Variants in SSH2 observed in about 807,000 individuals in gnomAD.
SSH2 encodes the protein protein phosphatase Slingshot homolog 2.
In SSH2, 37 loss-of-function variants were observed where a neutral mutation model predicts 135.2. The observed-to-expected ratio is 0.27, with a 90% CI of 0.21 to 0.36. The LOEUF (loss-of-function observed/expected upper bound fraction) is 0.36. Ranked by LOEUF, SSH2 falls within the 10% of genes least tolerant of loss-of-function variation. SSH2 has a pLI of 1.00. For missense variants in SSH2, 1,408 were observed against 1,765.3 expected, an observed-to-expected ratio of 0.80 and a Z score of 3.63; for synonymous variants, 628 against 646.2, an observed-to-expected ratio of 0.97 and a Z score of 0.43.
chr17:29,676,520 A>T (rs1282396470), intron 8 of SSH2: 1 of 281,334 alleles, frequency 3.6e-6, no homozygotes, highest in African/African-American at 2.2e-5. Flanking sequence ...TAACTAACTT[A>T]GTCAATATGT....
chr17:29,676,841 G>A lies in SSH2; in HGVS notation c.593C>T (p.Pro198Leu). ...STDNRVHIFK[P>L]VSVQAMWSAL... Reference sequence around the variant, plus strand: ...TTACCACATTGCCTGCACAGATACAGGTTTGAATATGTGAACTCTGTTATC... The same window carrying A: ...TTACCACATTGCCTGCACAGATACAAGTTTGAATATGTGAACTCTGTTATC... The change falls in exon 8 of 16, where the codon CCT becomes CTT. Residue 198 changes from proline to leucine, a missense_variant. By Grantham distance (98) the Pro-to-Leu change is moderately conservative (BLOSUM62 -3). Transcript: ENST00000540801. 5 of 1,613,822 alleles carry A rather than the reference G, an allele frequency of 3.1e-6. No homozygotes were observed. Among genetic ancestry groups the A allele is most frequent in the Non-Finnish European group, 4.2e-6 (5 of 1,179,820 alleles).
intron 4 of SSH2, among the ~76,000 whole-genome samples, chr17:29,697,892 A>T (rs926288116): frequency 6.6e-6 from 1 of 152,254 alleles, no homozygotes. Flanking sequence ...TTGTACACAC[A>T]TCTATAATAC....
intron 3 of SSH2, among the ~76,000 whole-genome samples, chr17:29,757,654 G>A (rs576455454): frequency 6.6e-6 from 1 of 151,210 alleles, no homozygotes; most frequent in Non-Finnish European, 1.5e-5. Flanking sequence ...ACTTTGGGAG[G>A]CCAAGGCAGG....
intron 1 of SSH2, among the ~76,000 whole-genome samples, chr17:29,878,285 GGC>G (rs2066072437): frequency 6.6e-6 from 1 of 152,070 alleles, no homozygotes; most frequent in African/African-American, 2.4e-5. Context: ...AAATTAGCCA[GGC>G]GTGGTGGTGC....
At chr17:29,900,563 T>C (rs1741297594) in intron 1 of SSH2, among the ~76,000 whole-genome samples, 1 of 152,056 alleles carries the variant, frequency 6.6e-6, no homozygotes, top group Non-Finnish European at 1.5e-5. Flanking sequence ...GAAATGCAAA[T>C]CAAAACCACA....
intron 1 of SSH2, among the ~76,000 whole-genome samples, chr17:29,893,169 C>G (rs934946492): frequency 2.6e-5 from 4 of 151,966 alleles, no homozygotes; most frequent in African/African-American, 9.7e-5. Flanking sequence ...TACATCTGAC[C>G]CAACAGTGCA....
chr17:29,834,325 C>G (rs991578655), intron 2 of SSH2, among the ~76,000 whole-genome samples: 2 of 152,026 alleles, frequency 1.3e-5, no homozygotes, highest in African/African-American at 4.8e-5. Context: ...TGGCAGGTAA[C>G]AAAGAAATGA....
At chr17:29,736,826 A>G (rs1435840183) in intron 3 of SSH2, among the ~76,000 whole-genome samples, 2 of 115,748 alleles carry the variant, frequency 1.7e-5, no homozygotes, top group Admixed American at 9.6e-5. Context: ...TGGGCCGGGC[A>G]TGGTGGCTCA....
intron 1 of SSH2, among the ~76,000 whole-genome samples, chr17:29,899,080 C>A (rs2066498271): frequency 6.6e-6 from 1 of 151,994 alleles, no homozygotes; most frequent in Admixed American, 6.6e-5. Flanking sequence ...AATTCAACAA[C>A]CTTCATGCTA....
intron 3 of SSH2, among the ~76,000 whole-genome samples, chr17:29,726,636 A>T (rs1442427772): frequency 1.3e-5 from 2 of 152,140 alleles, no homozygotes; most frequent in Non-Finnish European, 2.9e-5. Context: ...TACAATGGTA[A>T]ATTTACTCCA....
intron 4 of SSH2, among the ~76,000 whole-genome samples, chr17:29,701,144 T>C (rs1023902224): frequency 6.6e-6 from 1 of 152,064 alleles, no homozygotes; most frequent in African/African-American, 2.4e-5. Flanking sequence ...CTAATTTTTT[T>C]AAATTTTTAG....
chr17:29,707,411 A>G (rs1182534815), intron 3 of SSH2, among the ~76,000 whole-genome samples: 2 of 152,226 alleles, frequency 1.3e-5, no homozygotes, highest in Admixed American at 1.3e-4. Flanking sequence ...AAACTCACAT[A>G]TAGTATAAAT....
chr17:29,890,819 G>A lies in SSH2; in HGVS notation c.63+39119C>T, dbSNP rs542766444. On this transcript the variant is annotated intron_variant, in intron 1 of 15. Coordinates refer to ENST00000540801, the MANE Select transcript of SSH2 (RefSeq NM_001282129.2). The stretch of plus-strand genomic sequence containing the variant: ...TCACCAGGCTGGAGCGCTGTGGTGC[G>A]ATCTCGGCTCACTGCAACCTCTGCC... 3.2e-4 allele frequency among the ~76,000 whole-genome samples: 49 copies of A among 152,210 alleles called. No individual in the cohort carries two copies. The East Asian group carries it at 8.7e-3, about 27-fold the overall frequency.
intron 3 of SSH2, among the ~76,000 whole-genome samples, chr17:29,723,248 T>C (rs959209516): frequency 6.6e-6 from 1 of 152,190 alleles, no homozygotes; most frequent in Non-Finnish European, 1.5e-5. Flanking sequence ...AAAAAGCTTA[T>C]CATGTACAGA....
chr17:29,638,626 C>G (rs1208375379), intron 14 of SSH2, among the ~76,000 whole-genome samples: 1 of 151,968 alleles, frequency 6.6e-6, no homozygotes, highest in African/African-American at 2.4e-5. Flanking sequence ...TCACTGCAGC[C>G]TCAACCTCCT....
chr17:29,711,178 C>T (rs942968480), intron 3 of SSH2, among the ~76,000 whole-genome samples: 1 of 152,196 alleles, frequency 6.6e-6, no homozygotes, highest in Admixed American at 6.5e-5. Context: ...GACTTAGTTC[C>T]AGCTCATCTT....
chr17:29,902,952 G>A (rs913042336), intron 1 of SSH2, among the ~76,000 whole-genome samples: 1 of 152,040 alleles, frequency 6.6e-6, no homozygotes, highest in Non-Finnish European at 1.5e-5. Context: ...TTGGGAAGCC[G>A]AGGCGGGAAG....
At position 29,921,731 on chromosome 17, in the gene SSH2, A is replaced by C. The variant is rs138648785; in HGVS notation, c.63+8207T>G. On this transcript the variant is annotated intron_variant, in intron 1 of 15. Transcript: ENST00000540801. Reference sequence around the variant, plus strand: ...TGGGATTACAGGCATCCACCACCGCATCTGGCTAATTTTTGTATATTTAGT... The same window carrying C: ...TGGGATTACAGGCATCCACCACCGCCTCTGGCTAATTTTTGTATATTTAGT... Among the ~76,000 whole-genome samples the C allele has an allele frequency of 1.4e-3, 209 of 152,150 alleles. 1 individual carries two copies. The highest frequency in any genetic ancestry group is 4.5e-3 in the African/African-American group (188 of 41,516).
intron 1 of SSH2, chr17:29,925,258 A>C (rs2067043120): frequency 2.9e-6 from 1 of 350,604 alleles, no homozygotes; most frequent in South Asian, 1.5e-4. Flanking sequence ...CCCTGGATCA[A>C]TATAGGTATC....
Sources: gnomAD v4.1 joint callset for allele counts (sites outside exome capture counted in the v4.1 genomes callset) on GRCh38, gnomAD v4.1.1 for gene constraint, MANE v1.5 for transcripts, NCBI Gene and HGNC (gene_info 2026-07-23, HGNC 2026-07-21) for gene names.